The following PRKAA1 variants were observed in gnomAD, a reference collection of about 807,000 sequenced individuals.
PRKAA1 encodes the protein 5'-AMP-activated protein kinase catalytic subunit alpha-1.
PRKAA1 carries 23 observed loss-of-function variants against 56.9 expected under a neutral mutation model. That is an observed-to-expected ratio of 0.40 (90% confidence interval 0.29 to 0.57). PRKAA1 has a LOEUF of 0.57. Ranked by LOEUF, PRKAA1 falls within the 20% of genes least tolerant of loss-of-function variation. The pLI, the probability that PRKAA1 is intolerant of heterozygous loss-of-function variation, is 0.39. For synonymous variants in PRKAA1, 226 were observed against 227.0 expected, an observed-to-expected ratio of 1.00 and a Z score of 0.04; for missense variants, 413 against 679.7, an observed-to-expected ratio of 0.61 and a Z score of 4.36.
intron 1 of PRKAA1, among the ~76,000 whole-genome samples, chr5:40,777,800 C>T (rs773593448): frequency 1.1e-4 from 16 of 151,960 alleles, no homozygotes; most frequent in Non-Finnish European, 1.5e-4. Flanking sequence ...TGGCCGGGAG[C>T]GGTGGCTCAT....
chr5:40,785,878 A>AGGGAGAGAGAGC (rs1454892834), intron 1 of PRKAA1, among the ~76,000 whole-genome samples: 190 of 149,100 alleles, frequency 1.3e-3, no homozygotes, highest in African/African-American at 4.4e-3. Context: ...AGAGAGAGAG[A>AGGGAGAGAGAGC]GCAAGCGAGC....
Position 40,767,543 on chromosome 5 carries a change from T to G in PRKAA1, c.744A>C (p.Leu248Phe). 1 of 1,613,882 alleles carries G rather than the reference T, an allele frequency of 6.2e-7. No homozygotes were observed. Residue 248 changes from leucine to phenylalanine, a missense_variant, in exon 6 of 9, where the codon TTA becomes TTC. This residue lies in a region of PRKAA1 where 113 missense variants were observed against 198.6 expected (regional missense o/e 0.57). Transcript: ENST00000397128. ...TCAAAAGGCTAATCACAGAAGGATTTAAATATTGAGGGGTATAGAAGATCC... is the reference window on the plus strand; with the variant it reads ...TCAAAAGGCTAATCACAGAAGGATTGAAATATTGAGGGGTATAGAAGATCC... ...CDGIFYTPQYLNPSVISLLKH... is the reference protein window; with the variant it reads ...CDGIFYTPQYFNPSVISLLKH...
intron 3 of PRKAA1, among the ~76,000 whole-genome samples, chr5:40,773,786 T>C (rs1207901589): frequency 2.0e-5 from 3 of 152,212 alleles, no homozygotes. Flanking sequence ...GTGCTTGAAG[T>C]AAGAAGCTTT....
At chr5:40,790,580 G>A (rs188487747) in intron 1 of PRKAA1, among the ~76,000 whole-genome samples, 224 of 146,088 alleles carry the variant, frequency 1.5e-3, no homozygotes, top group Non-Finnish European at 2.4e-3. Context: ...TCGCTCTGTC[G>A]CCAGGCTGGA....
chr5:40,793,967 T>G (rs1744821828), intron 1 of PRKAA1, among the ~76,000 whole-genome samples: 1 of 152,082 alleles, frequency 6.6e-6, no homozygotes, highest in Non-Finnish European at 1.5e-5. Flanking sequence ...CAGGACGTGG[T>G]GGCACACGTC....
chr5:40,763,271 G>T (rs1235728587), intron 8 of PRKAA1, among the ~76,000 whole-genome samples: 1 of 152,060 alleles, frequency 6.6e-6, no homozygotes, highest in Non-Finnish European at 1.5e-5. Flanking sequence ...GCAATCCAAG[G>T]TTAAGAGCCC....
rs2111981549 is a variant in PRKAA1 at position 40,765,182 on chromosome 5, G to C, written c.878C>G (p.Ser293Ter). ...ATCATCAATCATGGTTGAACTATATGATGGATCCTCAGGAAAGAGATATTT... is the reference window on the plus strand; with the variant it reads ...ATCATCAATCATGGTTGAACTATATCATGGATCCTCAGGAAAGAGATATTT... ...LPKYLFPEDP[S>*]YSSTMIDDEA... Residue 293 changes from serine (S) to a stop codon, truncating the protein, a stop_gained, in exon 7 of 9, where the codon TCA becomes TGA. Transcript: ENST00000397128. LOFTEE classifies it high-confidence loss of function. 1 of 1,613,922 alleles carries C rather than the reference G, an allele frequency of 6.2e-7. No individual in the cohort carries two copies.
At chr5:40,797,930 C>G (rs1745012533) in intron 1 of PRKAA1, 133 bp downstream of exon 1, 1 of 1,429,576 alleles carries the variant, frequency 7.0e-7, no homozygotes, top group Admixed American at 2.3e-5. Context: ...AGAGCTCCCG[C>G]AGGATCCGGG....
At chr5:40,765,522 G>A (rs1402433885) in intron 6 of PRKAA1, among the ~76,000 whole-genome samples, 2 of 152,022 alleles carry the variant, frequency 1.3e-5, no homozygotes, top group African/African-American at 4.8e-5. Flanking sequence ...GAAAAGAACA[G>A]CTTATTTCCA....
intron 1 of PRKAA1, among the ~76,000 whole-genome samples, chr5:40,793,588 A>T (rs890448833): frequency 6.6e-6 from 1 of 152,216 alleles, no homozygotes; most frequent in Non-Finnish European, 1.5e-5. Context: ...TAATTTTTAA[A>T]GCTTTCTTTA....
At chr5:40,774,907 T>G (rs1160359248) in intron 3 of PRKAA1, 1 of 1,568,924 alleles carries the variant, frequency 6.4e-7, no homozygotes, top group Admixed American at 1.7e-5. Context: ...CAGCTGTAAA[T>G]TCTTTATATC....
intron 2 of PRKAA1, among the ~76,000 whole-genome samples, chr5:40,775,929 G>A (rs773251806): frequency 3.3e-5 from 5 of 152,144 alleles, no homozygotes; most frequent in Admixed American, 2.0e-4. Flanking sequence ...ATATTAGAGA[G>A]AAATAGGATG....
Position 40,777,599 on chromosome 5 carries a change from T to C in PRKAA1, c.128-13A>G, listed in dbSNP as rs762928643. 1 of 1,590,456 alleles carries C rather than the reference T, an allele frequency of 6.3e-7. No individual in the cohort carries two copies. The highest frequency in any genetic ancestry group is 1.1e-5 in the South Asian group (1 of 89,336). On this transcript the variant is annotated splice_polypyrimidine_tract_variant and intron_variant, in intron 1 of 8. Coordinates refer to ENST00000397128, the MANE Select transcript of PRKAA1 (RefSeq NM_006251.6). ...TCATGTTTGCCAACTGTAAAAGAAGTAATTTAATAAATTAGTACTAAGTAT... is the reference window on the plus strand; with the variant it reads ...TCATGTTTGCCAACTGTAAAAGAAGCAATTTAATAAATTAGTACTAAGTAT...
chr5:40,772,294 G>C (rs1030962759), intron 3 of PRKAA1, among the ~76,000 whole-genome samples: 1 of 152,082 alleles, frequency 6.6e-6, no homozygotes, highest in Non-Finnish European at 1.5e-5. Context: ...ATAAAACAAA[G>C]GCTAATCTAG....
At chr5:40,765,269 G>T (rs771976560) in intron 6 of PRKAA1, 31 bp from the exon 7 acceptor site, 3 of 1,575,314 alleles carry the variant, frequency 1.9e-6, no homozygotes, top group Non-Finnish European at 2.6e-6. Flanking sequence ...TCAGGAGAAG[G>T]ACTTTGAATA....
intron 1 of PRKAA1, among the ~76,000 whole-genome samples, chr5:40,787,295 G>T (rs57404748): frequency 6.6e-6 from 1 of 151,884 alleles, no homozygotes; most frequent in African/African-American, 2.4e-5. Flanking sequence ...GAGAAACCCC[G>T]TCTCTACTAA....
intron 6 of PRKAA1, 22 bp from the exon 7 acceptor site, chr5:40,765,260 CAGG>C (rs755186710): frequency 6.3e-6 from 10 of 1,589,918 alleles, no homozygotes; most frequent in South Asian, 3.5e-5. Context: ...ATGGCAGGAT[CAGG>C]AGAAGGACTT....
rs1276787050 is a variant in PRKAA1 at position 40,768,507 on chromosome 5, A to G, written c.597-817T>C. 12 of 946,644 alleles carry G rather than the reference A, an allele frequency of 1.3e-5. No homozygotes were observed. The Middle Eastern group carries it at 1.6e-3, about 128-fold the overall frequency. The allele number at this position is 946,644 out of a possible 1,614,324, so 58.6% of individuals were successfully genotyped here. On this transcript the variant is annotated intron_variant, in intron 5 of 8. Transcript: ENST00000397128. ...CACCATTTTTTTAAAAATTTTTTAA[A>G]TAATTTTTGACATTAAGTTAATATT...
intron 1 of PRKAA1, among the ~76,000 whole-genome samples, chr5:40,780,037 T>C (rs1469476281): frequency 6.6e-6 from 1 of 152,204 alleles, no homozygotes; most frequent in African/African-American, 2.4e-5. Context: ...TCATACCTGA[T>C]TGAATAATTT....
Sources: gnomAD v4.1 joint callset for allele counts (sites outside exome capture counted in the v4.1 genomes callset) on GRCh38, gnomAD v4.1.1 for gene constraint, gnomAD v4.1.1 regional missense constraint, MANE v1.5 for transcripts, NCBI Gene and HGNC (gene_info 2026-07-23, HGNC 2026-07-21) for gene names.